The following NLRP7 variants were observed in gnomAD, a reference collection of about 807,000 sequenced individuals.
NLRP7 encodes the protein NLR family pyrin domain containing 7.
In NLRP7, 72 loss-of-function variants were observed where a neutral mutation model predicts 85.5. That is an observed-to-expected ratio of 0.84 (90% CI 0.70 to 1.02). NLRP7 has a LOEUF of 1.02. Among genes scored for constraint, NLRP7 ranks in the 50% least tolerant of loss-of-function variants. The probability of loss-of-function intolerance (pLI) is 0.00; values close to 1 mark genes in which losing one functional copy is unlikely to be tolerated. For missense variants in NLRP7, 1,243 were observed against 1,219.5 expected, an observed-to-expected ratio of 1.02 and a Z score of -0.29; for synonymous variants, 550 against 505.2, an observed-to-expected ratio of 1.09 and a Z score of -1.19.
chr19:54,947,681 G>A (rs1311620076), upstream of NLRP7: 56 of 1,277,192 alleles, frequency 4.4e-5, no homozygotes, highest in East Asian at 5.6e-5. Context: ...GGATTTGGCT[G>A]TAATTGGGCT....
chr19:54,957,031 T>A (rs1398722004), intron 1 of NLRP7, among the ~76,000 whole-genome samples: 2 of 148,462 alleles, frequency 1.3e-5, no homozygotes. Context: ...TATTTATTTA[T>A]TTTATTTTGA....
At chr19:54,927,442 G>A (rs1157292384) in intron 9 of NLRP7, among the ~76,000 whole-genome samples, 163 bp downstream of exon 10, 1 of 151,738 alleles carries the variant, frequency 6.6e-6, no homozygotes, top group African/African-American at 2.4e-5. Flanking sequence ...TCTAGGCCCA[G>A]CTACTCATGA....
chr19:54,933,139 G>T (rs1436616636), intron 8 of NLRP7, among the ~76,000 whole-genome samples: 2 of 150,906 alleles, frequency 1.3e-5, no homozygotes, highest in Non-Finnish European at 3.0e-5. Flanking sequence ...TATCTGCCTG[G>T]TTTTTTTTGT....
rs753864022 is a variant in NLRP7 at position 54,939,523 on chromosome 19, T to G, written c.1296A>C (p.Arg432=). 3.7e-6 allele frequency: 6 copies of G among 1,613,568 alleles called. No individual in the cohort carries two copies. In the South Asian group the frequency reaches 6.6e-5, roughly 18 times the overall value. ...GCACCCCGAGCCTTTCCAGGTCCTC[T>G]CGGTGGAACACGGACATCTGCGCCC... Residue 432 remains arginine (R), a synonymous_variant, in exon 4 of 10, where the codon CGA becomes CGC. Coordinates refer to ENST00000340844, the Ensembl canonical transcript of NLRP7.
intron 8 of NLRP7, among the ~76,000 whole-genome samples, chr19:54,931,841 T>TCA (rs74177885): frequency 0.3 from 45,034 of 148,242 alleles, 7,036 homozygotes; most frequent in East Asian, 0.41. Context: ...AGAGAGAGAC[T>TCA]GTTAAAAAAA....
chr19:54,945,756 G>A lies in NLRP7; in HGVS notation c.-40+1713C>T, dbSNP rs566525355. 7.9e-5 allele frequency among the ~76,000 whole-genome samples: 12 copies of A among 151,466 alleles called. No individual in the cohort carries two copies. In the East Asian group the frequency reaches 1.6e-3, roughly 20 times the overall value. Reference sequence around the variant, plus strand: ...TGGGATTACAGGCGCACCGCATCACGCCGGGCTAGTTTTTGTATTTTTAGT... The same window carrying A: ...TGGGATTACAGGCGCACCGCATCACACCGGGCTAGTTTTTGTATTTTTAGT... On this transcript the variant is annotated intron_variant, in intron 1 of 9. Coordinates refer to ENST00000340844, the Ensembl canonical transcript of NLRP7.
At chr19:54,952,076 C>A (rs1020329971), upstream of NLRP7, among the ~76,000 whole-genome samples, 3 of 152,064 alleles carry the variant, frequency 2.0e-5, no homozygotes, top group Non-Finnish European at 4.4e-5. Flanking sequence ...TGTATCTGCA[C>A]GGTTCCTACA....
At chr19:54,962,566 C>T (rs141088294) in intron 1 of NLRP7, among the ~76,000 whole-genome samples, 5,002 of 147,188 alleles carry the variant, frequency 0.034, 295 homozygotes, top group African/African-American at 0.12. Context: ...TCACCACGCC[C>T]GGCCCCTCAT....
intron 1 of NLRP7, among the ~76,000 whole-genome samples, chr19:54,957,786 G>A (rs1040663436): frequency 6.6e-6 from 1 of 152,134 alleles, no homozygotes; most frequent in African/African-American, 2.4e-5. Flanking sequence ...TTGTGTCAAT[G>A]TAATTCATAG....
intron 1 of NLRP7, among the ~76,000 whole-genome samples, chr19:54,960,884 CAT>C (rs2070020055): frequency 6.6e-6 from 1 of 151,884 alleles, no homozygotes. Flanking sequence ...CGTGAGCCAC[CAT>C]GCCCAGCACA....
chr19:54,936,833 T>G (rs945012375), intron 5 of NLRP7, among the ~76,000 whole-genome samples: 2 of 151,920 alleles, frequency 1.3e-5, no homozygotes, highest in Admixed American at 6.6e-5. Flanking sequence ...GAGAATCACT[T>G]GAATCCAGGA....
intron 9 of NLRP7, among the ~76,000 whole-genome samples, chr19:54,926,560 A>C (rs1187155998): frequency 6.6e-6 from 1 of 152,046 alleles, no homozygotes; most frequent in East Asian, 1.9e-4. Context: ...CAGGTGGATC[A>C]CCTGAGGTTG....
At position 54,934,417 on chromosome 19, in the gene NLRP7, G is replaced by A. The variant is rs1234513866; in HGVS notation, c.2471+72C>T. The stretch of plus-strand genomic sequence containing the variant: ...AGGCGCCACGTGGGTGGCGCAGTAA[G>A]TCAGGTGTTACCCTTTCTCTTCTAT... On this transcript the variant is annotated intron_variant, in intron 7 of 9. Transcript: ENST00000340844. This position sits in a 1 kb window ranked among gnomAD's most constrained non-coding sequence, Gnocchi z 6.7. 7 of 1,508,394 alleles carry A rather than the reference G, an allele frequency of 4.6e-6. No individual in the cohort carries two copies. The African/African-American group carries it at 9.6e-5, about 21-fold the overall frequency. The allele number at this position is 1,508,394 out of a possible 1,614,324, so 93.4% of individuals were successfully genotyped here.
At chr19:54,935,449 AC>A (rs1211548279) in intron 6 of NLRP7, among the ~76,000 whole-genome samples, 1 of 152,104 alleles carries the variant, frequency 6.6e-6, no homozygotes, top group African/African-American at 2.4e-5. Flanking sequence ...TAATCCTAGC[AC>A]TTTGGGAGGC....
chr19:54,942,683 C>T (rs1254018412), intron 1 of NLRP7, among the ~76,000 whole-genome samples: 1 of 152,070 alleles, frequency 6.6e-6, no homozygotes, highest in East Asian at 1.9e-4. Context: ...CCATTGCACT[C>T]GAGCCTCGGC....
At chr19:54,929,728 C>G (rs1314339392) in intron 9 of NLRP7, among the ~76,000 whole-genome samples, 1 of 152,146 alleles carries the variant, frequency 6.6e-6, no homozygotes, top group Non-Finnish European at 1.5e-5. Flanking sequence ...GGCCCTCTAC[C>G]TGACTTTAGA....
chr19:54,946,474 C>A (rs894316093), intron 1 of NLRP7, among the ~76,000 whole-genome samples: 2 of 151,462 alleles, frequency 1.3e-5, no homozygotes, highest in African/African-American at 4.8e-5. Flanking sequence ...GGATTACAGG[C>A]GTGAGCCACC....
At chr19:54,923,583 G>A (rs192478357) in exon 10 of NLRP7, 17 of 835,216 alleles carry the variant, frequency 2.0e-5, no homozygotes, top group East Asian at 1.9e-4. Flanking sequence ...TGCGTGACTC[G>A]TGCAGAATCT....
intron 6 of NLRP7, 65 bp downstream of exon 6, chr19:54,936,196 G>C (rs2068916050): frequency 6.9e-7 from 1 of 1,452,306 alleles, no homozygotes; most frequent in South Asian, 1.1e-5. Context: ...CTTTTTCCTA[G>C]ATCCCCCAGC....
Sources: allele counts gnomAD v4.1 joint callset (sites outside exome capture counted in the v4.1 genomes callset), GRCh38; gene constraint gnomAD v4.1.1; non-coding constraint Gnocchi (gnomAD v3.1); transcripts MANE v1.5; gene names NCBI Gene and HGNC (gene_info 2026-07-23, HGNC 2026-07-21).